The following DCST1 variants were observed in gnomAD, a reference collection of about 807,000 sequenced individuals.
The protein encoded by DCST1 is E3 ubiquitin-protein ligase DCST1.
Under a neutral mutation model 89.1 loss-of-function variants are expected in DCST1, and 78 were observed. That is an observed-to-expected ratio of 0.88 (90% CI 0.73 to 1.06). DCST1 has a LOEUF of 1.06. Among genes scored for constraint, DCST1 ranks in the 50% least tolerant of loss-of-function variants. The probability of loss-of-function intolerance (pLI) is 0.00; values close to 1 mark genes in which losing one functional copy is unlikely to be tolerated. For synonymous variants in DCST1, 364 were observed against 371.9 expected, an observed-to-expected ratio of 0.98 and a Z score of 0.24; for missense variants, 900 against 928.6, an observed-to-expected ratio of 0.97 and a Z score of 0.40.
chr1:155,035,437 C>T (rs1660248665), intron 4 of DCST1, among the ~76,000 whole-genome samples: 1 of 151,988 alleles, frequency 6.6e-6, no homozygotes, highest in African/African-American at 2.4e-5. Context: ...TCTGGGATTA[C>T]AGGTGTAAGC....
At position 155,046,436 on chromosome 1, in the gene DCST1, C is replaced by A. The variant is rs1660631870; in HGVS notation, c.1445C>A (p.Ser482Tyr). 1 of 1,613,998 alleles carries A rather than the reference C, an allele frequency of 6.2e-7. No individual in the cohort carries two copies. The highest frequency in any genetic ancestry group is 8.5e-7 in the Non-Finnish European group (1 of 1,180,008). The change falls in exon 13 of 17, where the codon TCC becomes TAC. Residue 482 changes from serine to tyrosine, a missense_variant. Physicochemically the swap from Ser to Tyr is moderately radical, Grantham distance 144. Coordinates refer to ENST00000295542, the MANE Select transcript of DCST1 (RefSeq NM_152494.4). ...TGTGGCTTGGACTGGGCTCTCTACT[C>A]CATCTTCGACACCATCCGCCACCAC... ...VLCGLDWALY[S>Y]IFDTIRHHSF...
chr1:155,034,280 C>T, intron 2 of DCST1, 155 bp from the exon 3 acceptor site: 1 of 1,582,112 alleles, frequency 6.3e-7, no homozygotes, highest in East Asian at 2.2e-5. Flanking sequence ...ATACCACTTC[C>T]TCAGGCTCCC....
chr1:155,036,005 GA>G (rs1660270076), intron 4 of DCST1, among the ~76,000 whole-genome samples: 1 of 121,564 alleles, frequency 8.2e-6, no homozygotes, highest in Admixed American at 9.7e-5. Context: ...TGAGGCCAGG[GA>G]AAAAGGAAAA....
chr1:155,046,492 C>T lies in DCST1; in HGVS notation c.1495+6C>T. On this transcript the variant is annotated splice_donor_region_variant and intron_variant, in intron 13 of 16. Coordinates refer to ENST00000295542, the MANE Select transcript of DCST1 (RefSeq NM_152494.4). ...CCTGCAGTACTCCTTCCGCAGTAAG[C>T]CCATCCCCCAGACACATTCCAGGCC... The T allele has an allele frequency of 3.7e-6, 6 of 1,613,754 alleles. No individual in the cohort carries two copies. Among genetic ancestry groups the T allele is most frequent in the Non-Finnish European group, 5.1e-6 (6 of 1,179,970 alleles).
chr1:155,039,658 T>G, intron 5 of DCST1, 127 bp downstream of exon 5: 1 of 1,259,442 alleles, frequency 7.9e-7, no homozygotes, highest in Non-Finnish European at 1.0e-6. Context: ...TCACTGTATG[T>G]CCCTGAGGGA....
Position 155,040,580 on chromosome 1 carries a change from C to G in DCST1, c.487C>G (p.Arg163Gly). 1 of 1,586,572 alleles carries G rather than the reference C, an allele frequency of 6.3e-7. No homozygotes were observed. The highest frequency in any genetic ancestry group is 8.6e-7 in the Non-Finnish European group (1 of 1,165,562). The change falls in exon 6 of 17, where the codon CGC becomes GGC. Residue 163 changes from arginine to glycine, a missense_variant. By Grantham distance (125) the Arg-to-Gly change is moderately radical (BLOSUM62 -2). Transcript: ENST00000295542. ...GATCAACAACACCCGCGCAGCTTGG[C>G]GCATCTCCACAGCCCCCTTACGGGC... Reference protein sequence around the residue: ...LQINNTRAAWRISTAPLRAMF... With the variant: ...LQINNTRAAWGISTAPLRAMF...
intron 16 of DCST1, among the ~76,000 whole-genome samples, chr1:155,049,670 C>T (rs544267793): frequency 6.6e-6 from 1 of 152,234 alleles, no homozygotes; most frequent in South Asian, 2.1e-4. Flanking sequence ...TTTAATCAGT[C>T]CTAACAAAGT....
intron 10 of DCST1, chr1:155,045,122 T>TA (rs1395538647): frequency 6.6e-6 from 1 of 152,428 alleles, no homozygotes; most frequent in East Asian, 1.9e-4. Context: ...TCTTTGCACT[T>TA]ACAGTAGTTT....
intron 10 of DCST1, chr1:155,045,602 C>T: frequency 2.2e-6 from 1 of 448,820 alleles, no homozygotes; most frequent in Non-Finnish European, 4.1e-6. Flanking sequence ...ACATGCAACT[C>T]CCTCCCAGAC....
rs1660183767 is a variant in DCST1, at chr1:155,033,845, GAGGGGAT to G, written c.-71_-66+1del. 2 of 1,335,938 alleles carry G rather than the reference GAGGGGAT, an allele frequency of 1.5e-6. No homozygotes were observed. The highest frequency in any genetic ancestry group is 2.0e-6 in the Non-Finnish European group (2 of 977,410). The allele number at this position is 1,335,938 out of a possible 1,614,324, so 82.8% of individuals were successfully genotyped here. A position where few individuals can be genotyped will look rare whatever the true frequency, so the allele number is the denominator to read the frequency against. ...CCTTGACCCAGTTCCGAGGACTGGA[GAGGGGAT>G]AGGTAGGTCTCTAATCTCCTTCCCC... On this transcript the variant is annotated splice_region_variant and 5_prime_UTR_variant, in exon 1 of 17. Transcript: ENST00000295542.
In DCST1 at chr1:155,045,989, G is replaced by C. The variant is rs775767138; in HGVS notation, c.1269G>C (p.Lys423Asn). 3.7e-6 allele frequency: 6 copies of C among 1,614,248 alleles called. No homozygotes were observed. Among genetic ancestry groups the C allele is most frequent in the African/African-American group, 1.3e-5 (1 of 75,070 alleles). ...GCCAGATCGATGACCGCAGGAAGAA[G>C]CTGGTGAGTGGGCACGGCACTGCCC... ...YFCQIDDRRK[K>N]LGKRTLLPLR... Residue 423 changes from lysine to asparagine, a missense_variant, in exon 11 of 17, where the codon AAG (lysine) becomes AAC (asparagine). Lys to Asn is a moderately conservative substitution (Grantham distance 94, BLOSUM62 0). Coordinates refer to ENST00000295542, the MANE Select transcript of DCST1 (RefSeq NM_152494.4).
At position 155,039,393 on chromosome 1, in the gene DCST1, C is replaced by T. The variant is rs1335601317; in HGVS notation, c.263-10C>T. On this transcript the variant is annotated splice_polypyrimidine_tract_variant and intron_variant, in intron 4 of 16. Coordinates refer to ENST00000295542, the MANE Select transcript of DCST1 (RefSeq NM_152494.4). ...ACTTCAGCTCACCACCTCCTGGGCT[C>T]TCCTGACAGGCTTGGGGGCCATGGG... The T allele has an allele frequency of 4.5e-6, 7 of 1,559,440 alleles. No homozygotes were observed. The highest frequency in any genetic ancestry group is 6.1e-6 in the Non-Finnish European group (7 of 1,151,122).
chr1:155,034,691 G>T lies in DCST1; in HGVS notation c.226G>T (p.Glu76Ter). The change falls in exon 4 of 17, where the codon GAA (glutamate) becomes TAA (stop). Residue 76 changes from glutamate to a stop codon, truncating the protein, a stop_gained. Coordinates refer to ENST00000295542, the MANE Select transcript of DCST1 (RefSeq NM_152494.4). LOFTEE classifies it high-confidence loss of function. ...CCTGGTGAACCCCATGAACATCTAC[G>T]AAGAACAGAAGATTATGTTCTTGTA... is the stretch of plus-strand genomic sequence containing the variant. Reference protein sequence around the residue: ...QLLVNPMNIYEEQKIMFLYSL... With the variant: ...QLLVNPMNIY 1 of 1,614,180 alleles carries T rather than the reference G, an allele frequency of 6.2e-7. No individual in the cohort carries two copies. The highest frequency in any genetic ancestry group is 8.5e-7 in the Non-Finnish European group (1 of 1,180,046).
chr1:155,041,911 G>T, intron 8 of DCST1, 54 bp downstream of exon 8: 1 of 1,604,644 alleles, frequency 6.2e-7, no homozygotes, highest in South Asian at 1.1e-5. Flanking sequence ...CTGAGTCCTT[G>T]GGACCCACTG....
intron 10 of DCST1, 31 bp from the exon 11 acceptor site, chr1:155,045,862 G>A: frequency 6.3e-7 from 1 of 1,580,758 alleles, no homozygotes; most frequent in Non-Finnish European, 8.7e-7. Context: ...ACCTGGAAGA[G>A]ATGGAGACAT....
chr1:155,042,668 G>A (rs1291070860), intron 8 of DCST1, 67 bp from the exon 9 acceptor site: 13 of 1,605,796 alleles, frequency 8.1e-6, no homozygotes, highest in Non-Finnish European at 1.1e-5. Context: ...CAGGAGGACA[G>A]GCAGGCCAGG....
intron 16 of DCST1, chr1:155,049,134 T>G: frequency 1.4e-6 from 1 of 711,378 alleles, no homozygotes; most frequent in South Asian, 1.5e-5. Context: ...GTATCCCGGC[T>G]CCTTCCCTCA....
At position 155,039,407 on chromosome 1, in the gene DCST1, G is replaced by C; in HGVS notation, c.267G>C (p.Leu89Phe). The C allele has an allele frequency of 1.3e-6, 2 of 1,583,358 alleles. No homozygotes were observed. The highest frequency in any genetic ancestry group is 1.7e-6 in the Non-Finnish European group (2 of 1,164,314). ...KIMFLYSLVG[L>F]GAMGWGTSPH... Reference sequence around the variant, plus strand: ...CCTCCTGGGCTCTCCTGACAGGCTTGGGGGCCATGGGCTGGGGGACCTCCC... The same window carrying C: ...CCTCCTGGGCTCTCCTGACAGGCTTCGGGGCCATGGGCTGGGGGACCTCCC... The change falls in exon 5 of 17, where the codon TTG becomes TTC. Residue 89 changes from leucine to phenylalanine, a missense_variant. By Grantham distance (22) the Leu-to-Phe change is conservative. Coordinates refer to ENST00000295542, the MANE Select transcript of DCST1 (RefSeq NM_152494.4).
chr1:155,046,598 C>CTATTTTTTTTTT, intron 13 of DCST1, 112 bp downstream of exon 13: 1 of 415,786 alleles, frequency 2.4e-6, no homozygotes, highest in Non-Finnish European at 3.4e-6. Flanking sequence ...GTCCTTCTGC[C>CTATTTTTTTTTT]TCTTTTTTTT....
Sources: allele counts gnomAD v4.1 joint callset (sites outside exome capture counted in the v4.1 genomes callset), GRCh38; gene constraint gnomAD v4.1.1; transcripts MANE v1.5; gene names NCBI Gene and HGNC (gene_info 2026-07-23, HGNC 2026-07-21).